GRID2IP: variants seen among roughly 807,000 people sequenced by gnomAD.
GRID2IP encodes delphilin.
GRID2IP carries 78 observed loss-of-function variants against 114.3 expected under a neutral mutation model. The ratio of observed to expected loss-of-function variants is 0.68; its 90% CI spans 0.57 to 0.82. The LOEUF is 0.82. GRID2IP is among the 40% of genes least tolerant of loss of function. The pLI, the probability that GRID2IP is intolerant of heterozygous loss-of-function variation, is 0.00. For synonymous variants in GRID2IP, 809 were observed against 724.0 expected, an observed-to-expected ratio of 1.12 and a Z score of -1.89; for missense variants, 1,727 against 1,678.5, an observed-to-expected ratio of 1.03 and a Z score of -0.51.
intron 15 of GRID2IP, among the ~76,000 whole-genome samples, 153 bp downstream of exon 15, chr7:6,504,640 C>G (rs1786523096): frequency 6.6e-6 from 1 of 152,058 alleles, no homozygotes; most frequent in Non-Finnish European, 1.5e-5. Flanking sequence ...ATCTGGCTGG[C>G]TATGGGGCCT....
chr7:6,498,191 A>G lies in GRID2IP; in HGVS notation c.3437T>C (p.Leu1146Pro), dbSNP rs995948629. ...LETAQPALRA[L>P]DGLQREAMEE... ...CATGGCCTCGCGCTGCAGCCCGTCG[A>G]GCGCCCGAAGTGCTGGCTGGGCCGT... The change falls in exon 21 of 22, where the codon CTC becomes CCC. Residue 1146 changes from leucine (L) to proline (P), a missense_variant. Transcript: ENST00000457091. 2 of 1,549,092 alleles carry G rather than the reference A, an allele frequency of 1.3e-6. No individual in the cohort carries two copies. Among genetic ancestry groups the G allele is most frequent in the African/African-American group, 1.4e-5 (1 of 72,890 alleles).
At chr7:6,530,932 G>A in intron 2 of GRID2IP, 1 of 489,242 alleles carries the variant, frequency 2.0e-6, no homozygotes, top group South Asian at 2.9e-5. Context: ...CTCCGCCCAG[G>A]CTCGGAGGGT....
chr7:6,539,300 T>C (rs1779777629), intron 2 of GRID2IP, among the ~76,000 whole-genome samples: 1 of 152,060 alleles, frequency 6.6e-6, no homozygotes, highest in African/African-American at 2.4e-5. Context: ...AGTTAATTTT[T>C]ATATTTTATA....
intron 8 of GRID2IP, among the ~76,000 whole-genome samples, chr7:6,513,947 CAAAAAAA>C (rs35124535): frequency 2.1e-5 from 1 of 47,542 alleles, no homozygotes; most frequent in Non-Finnish European, 3.6e-5. Context: ...GACTCCGTCT[CAAAAAAA>C]AAAAAAAAAA....
intron 1 of GRID2IP, among the ~76,000 whole-genome samples, chr7:6,544,939 C>T (rs774306249): frequency 6.6e-6 from 1 of 151,862 alleles, no homozygotes; most frequent in African/African-American, 2.4e-5. Context: ...AAAAATTAGC[C>T]AGGTGGGCGT....
chr7:6,550,208 G>C (rs1010733513), intron 1 of GRID2IP, among the ~76,000 whole-genome samples: 8 of 151,936 alleles, frequency 5.3e-5, no homozygotes, highest in Admixed American at 3.9e-4. Flanking sequence ...GCCCAGGCTG[G>C]CCTTGAACTC....
In GRID2IP at chr7:6,536,729, A is replaced by T; in HGVS notation, c.584+2989T>A. 1.4e-6 allele frequency: 1 copy of T among 693,338 alleles called. No individual in the cohort carries two copies. The highest frequency in any genetic ancestry group is 1.5e-5 in the South Asian group (1 of 67,148). The allele number at this position is 693,338 out of a possible 1,614,324, so 42.9% of individuals were successfully genotyped here. ...AATCAGCTCCCCAGGAAGCGCTCAG[A>T]GCCAGCGCATCATCTCCGCGGCAAA... On this transcript the variant is annotated intron_variant, in intron 2 of 21. Coordinates refer to ENST00000457091, the MANE Select transcript of GRID2IP (RefSeq NM_001145118.2). This position sits in a 1 kb window ranked among gnomAD's most constrained non-coding sequence, Gnocchi z 5.3.
rs1045279003 is a variant in GRID2IP, at chr7:6,508,950, G to A, written c.2127+8C>T. 9.2e-5 allele frequency: 142 copies of A among 1,543,898 alleles called. No individual in the cohort carries two copies. Among genetic ancestry groups the A allele is most frequent in the African/African-American group, 1.2e-4 (9 of 72,990 alleles). On this transcript the variant is annotated splice_region_variant and intron_variant, in intron 12 of 21. Coordinates refer to ENST00000457091, the MANE Select transcript of GRID2IP (RefSeq NM_001145118.2). The surrounding 1 kb of genome is among the most constrained non-coding windows in gnomAD (Gnocchi z 5.6). ...CCCGCCTCCCTCCACACCTGCTTGC[G>A]TGCCCACCTCCTCGTAGTCGTTCTC...
intron 8 of GRID2IP, among the ~76,000 whole-genome samples, chr7:6,511,848 T>C (rs1376092458): frequency 2.0e-5 from 3 of 151,930 alleles, no homozygotes; most frequent in Non-Finnish European, 2.9e-5. Flanking sequence ...TTCCTTTCCT[T>C]CCTTCTCTTC....
At chr7:6,531,460 C>T (rs1216132361) in intron 2 of GRID2IP, among the ~76,000 whole-genome samples, 2 of 152,072 alleles carry the variant, frequency 1.3e-5, no homozygotes, top group Non-Finnish European at 2.9e-5. Context: ...AGTGGCGAGT[C>T]CCCGCAGTTC....
chr7:6,548,180 G>A (rs1379637265), intron 1 of GRID2IP, among the ~76,000 whole-genome samples: 1 of 151,788 alleles, frequency 6.6e-6, no homozygotes, highest in Non-Finnish European at 1.5e-5. Context: ...TAGTGAAACC[G>A]TGTCTCTACT....
rs1282422817 is a variant in GRID2IP, at chr7:6,502,870, A to G, written c.3066T>C (p.Phe1022=). 1 of 1,551,618 alleles carries G rather than the reference A, an allele frequency of 6.4e-7. No homozygotes were observed. The highest frequency in any genetic ancestry group is 1.2e-5 in the South Asian group (1 of 84,044). ...NSRKLAKILE[F]VLAMGNYLND... The stretch of plus-strand genomic sequence containing the variant: ...TGAGATAGTTGCCCATGGCCAACAC[A>G]AACTGTGGACAAGAAGGTGGGTAGG... The change falls in exon 18 of 22, where the codon TTT becomes TTC. Residue 1022 remains phenylalanine (F), a splice_region_variant and synonymous_variant. Transcript: ENST00000457091.
chr7:6,526,426 T>A lies in GRID2IP; in HGVS notation c.833+95A>T. 6.6e-7 allele frequency: 1 copy of A among 1,504,478 alleles called. No homozygotes were observed. The highest frequency in any genetic ancestry group is 8.9e-7 in the Non-Finnish European group (1 of 1,122,318). 93.2% of individuals were successfully genotyped at this position (1,504,478 alleles called of 1,614,324 possible). A position where few individuals can be genotyped will look rare whatever the true frequency, so the allele number is the denominator to read the frequency against. ...TCTCCGGCCCCCTATGCACCCCAGA[T>A]GCCCAGCCCCGCCCCTACGCCCTCT... On this transcript the variant is annotated intron_variant, in intron 3 of 21. Transcript: ENST00000457091. The surrounding 1 kb of genome is among the most constrained non-coding windows in gnomAD (Gnocchi z 7.6).
chr7:6,501,895 G>A lies in GRID2IP; in HGVS notation c.3285C>T (p.Asn1095=). 6.4e-7 allele frequency: 1 copy of A among 1,551,532 alleles called. No homozygotes were observed. Among genetic ancestry groups the A allele is most frequent in the Non-Finnish European group, 8.7e-7 (1 of 1,146,962 alleles). ...CCAGGTCACTGGTCAGGGCCCGTTG[G>A]TTCACTGTAGGGAAGAGGACAGGGG... is the stretch of plus-strand genomic sequence containing the variant. ...LPTVPLAAKV[N]QRALTSDLAD... is the part of the protein sequence containing the mutation. Residue 1095 remains asparagine (N), a synonymous_variant, in exon 20 of 22, where the codon AAC becomes AAT. Transcript: ENST00000457091.
Position 6,503,035 on chromosome 7 carries a change from G to A in GRID2IP, c.3036C>T (p.Asn1012=), listed in dbSNP as rs1300663174. The change falls in exon 17 of 22, where the codon AAC becomes AAT. Residue 1012 remains asparagine, a synonymous_variant. Transcript: ENST00000457091. ...CLRQASLELK[N]SRKLAKILEF... ...CCAGGATCTTGGCGAGCTTCCGACT[G>A]TTTTTGAGCTCCAGGGAGGCCTGGC... The A allele has an allele frequency of 6.4e-7, 1 of 1,551,580 alleles. No homozygotes were observed. The highest frequency in any genetic ancestry group is 2.0e-5 in the Admixed American group (1 of 51,004).
rs775333257 is a variant in GRID2IP, at chr7:6,522,038, C to T, written c.920-81G>A. On this transcript the variant is annotated intron_variant, in intron 4 of 21. Coordinates refer to ENST00000457091, the MANE Select transcript of GRID2IP (RefSeq NM_001145118.2). ...GCAGGATGCTATCCTGTTTTACAGG[C>T]GAGAAATGGAGACTCAGAGACCCAT... 5.8e-5 allele frequency: 68 copies of T among 1,163,968 alleles called. No individual in the cohort carries two copies. In the African/African-American group the frequency reaches 6.1e-4, roughly 10 times the overall value. 72.1% of individuals were successfully genotyped at this position (1,163,968 alleles called of 1,614,324 possible).
rs552122023 is a variant in GRID2IP, at chr7:6,548,029, A to T, written c.429+2979T>A. Among the ~76,000 whole-genome samples, 137 of 152,308 alleles carry T rather than the reference A, an allele frequency of 9.0e-4. 1 individual carries two copies. The highest frequency in any genetic ancestry group is 1.6e-3 in the Non-Finnish European group (112 of 68,026). ...AGCTTGATAACACAACAGGGTGACT[A>T]TAGCCAATAATAACTTAATTGTCCA... On this transcript the variant is annotated intron_variant, in intron 1 of 21. Coordinates refer to ENST00000457091, the MANE Select transcript of GRID2IP (RefSeq NM_001145118.2).
Position 6,509,189 on chromosome 7 carries a change from G to C in GRID2IP, c.1896C>G (p.Ser632Arg). The change falls in exon 12 of 22, where the codon AGC becomes AGG. Residue 632 changes from serine (S) to arginine (R), a missense_variant. Coordinates refer to ENST00000457091, the MANE Select transcript of GRID2IP (RefSeq NM_001145118.2). The surrounding 1 kb of genome is among the most constrained non-coding windows in gnomAD (Gnocchi z 4.9). ...GGGAGGGTGCCCTGCTGCTGTCCAG[G>C]CTGGCGTAGGGGTGGGACTCAGAGC... is the stretch of plus-strand genomic sequence containing the variant. Reference protein sequence around the residue: ...PSSSESHPYASLDSSRAPSPQ... With the variant: ...PSSSESHPYARLDSSRAPSPQ... 6.7e-7 allele frequency: 1 copy of C among 1,481,538 alleles called. No homozygotes were observed. 91.8% of individuals were successfully genotyped at this position (1,481,538 alleles called of 1,614,324 possible). A position where few individuals can be genotyped will look rare whatever the true frequency, so the allele number is the denominator to read the frequency against.
At position 6,526,469 on chromosome 7, in the gene GRID2IP, G is replaced by C. The variant is rs921653175; in HGVS notation, c.833+52C>G. On this transcript the variant is annotated intron_variant, in intron 3 of 21. Coordinates refer to ENST00000457091, the MANE Select transcript of GRID2IP (RefSeq NM_001145118.2). This position sits in a 1 kb window ranked among gnomAD's most constrained non-coding sequence, Gnocchi z 7.6. ...CGCCCTCTCCCCGGGTCTCGGTCCCGAGCCCACCCGCAGGGAGGCGCCCGC... is the reference window on the plus strand; with the variant it reads ...CGCCCTCTCCCCGGGTCTCGGTCCCCAGCCCACCCGCAGGGAGGCGCCCGC... 7 of 1,416,762 alleles carry C rather than the reference G, an allele frequency of 4.9e-6. No individual in the cohort carries two copies. In the African/African-American group the frequency reaches 8.7e-5, roughly 18 times the overall value. The allele number at this position is 1,416,762 out of a possible 1,614,324, so 87.8% of individuals were successfully genotyped here.
Sources: gnomAD v4.1 joint callset for allele counts (sites outside exome capture counted in the v4.1 genomes callset) on GRCh38, gnomAD v4.1.1 for gene constraint, Gnocchi (gnomAD v3.1) non-coding constraint, MANE v1.5 for transcripts, NCBI Gene and HGNC (gene_info 2026-07-23, HGNC 2026-07-21) for gene names.